TMEM117: variants seen among roughly 807,000 people sequenced by gnomAD.
The protein encoded by TMEM117 is transmembrane protein 117.
Under a neutral mutation model 52.4 loss-of-function variants are expected in TMEM117, and 27 were observed. That is an observed-to-expected ratio of 0.51 (90% CI 0.38 to 0.71). The LOEUF is 0.71. TMEM117 is among the 30% of genes least tolerant of loss of function. The pLI is 0.00. For synonymous variants in TMEM117, 215 were observed against 206.3 expected (o/e 1.04, Z -0.36); for missense variants, 556 against 630.5 (o/e 0.88, Z 1.26).
chr12:44,236,187 T>TAG (rs200861994), intron 5 of TMEM117, among the ~76,000 whole-genome samples: 295 of 141,540 alleles, frequency 2.1e-3, no homozygotes, highest in South Asian at 3.4e-3. Context: ...TATATATATA[T>TAG]AGAGAGAGAG....
chr12:43,972,379 G>A (rs1024009622), intron 3 of TMEM117, among the ~76,000 whole-genome samples: 16 of 152,278 alleles, frequency 1.1e-4, no homozygotes, highest in African/African-American at 1.9e-4. Flanking sequence ...GGACCTTTGC[G>A]GTGAGTGTTA....
intron 7 of TMEM117, among the ~76,000 whole-genome samples, chr12:44,379,503 G>T (rs537184329): frequency 6.6e-6 from 1 of 152,178 alleles, no homozygotes; most frequent in Non-Finnish European, 1.5e-5. Context: ...GCACAGGTTT[G>T]GAGGTTGAAG....
the TMEM117 span, chr12:43,806,158 C>CCTCCCCGCT: frequency 6.5e-7 from 1 of 1,534,324 alleles, no homozygotes; most frequent in Non-Finnish European, 8.7e-7. Flanking sequence ...GTCCTGCAGC[C>CCTCCCCGCT]CTCCCGGCTC....
At chr12:44,040,909 A>C (rs537308350) in intron 3 of TMEM117, among the ~76,000 whole-genome samples, 1 of 152,340 alleles carries the variant, frequency 6.6e-6, no homozygotes. Flanking sequence ...TGTTCAACAT[A>C]CCAAGAATAG....
intron 3 of TMEM117, among the ~76,000 whole-genome samples, chr12:44,093,123 C>T (rs558554705): frequency 4.0e-4 from 61 of 152,090 alleles, no homozygotes; most frequent in African/African-American, 5.5e-4. Flanking sequence ...ACTCCGAATC[C>T]GTAAGAACGC....
chr12:44,381,097 A>G (rs1441715803), intron 7 of TMEM117, among the ~76,000 whole-genome samples: 1 of 152,180 alleles, frequency 6.6e-6, no homozygotes, highest in Admixed American at 6.5e-5. Context: ...CCCTTGACAG[A>G]TGGCTTGCTG....
At chr12:44,237,489 G>A (rs1950011425) in intron 5 of TMEM117, among the ~76,000 whole-genome samples, 3 of 151,992 alleles carry the variant, frequency 2.0e-5, no homozygotes, top group Admixed American at 2.0e-4. Context: ...AGAAGCCGAG[G>A]CAGGCAGATC....
At chr12:43,882,962 G>A (rs1312864026) in intron 2 of TMEM117, among the ~76,000 whole-genome samples, 1 of 152,154 alleles carries the variant, frequency 6.6e-6, no homozygotes, top group Non-Finnish European at 1.5e-5. Flanking sequence ...GTTACACAAG[G>A]CTAAGGTTGA....
chr12:43,969,422 C>G (rs981750967), intron 3 of TMEM117, among the ~76,000 whole-genome samples: 13 of 150,002 alleles, frequency 8.7e-5, no homozygotes, highest in Non-Finnish European at 1.5e-4. Context: ...ACTCAGAAAG[C>G]TAAGGCAGAG....
chr12:44,324,504 G>C (rs1293819655), intron 6 of TMEM117, among the ~76,000 whole-genome samples: 1 of 151,898 alleles, frequency 6.6e-6, no homozygotes, highest in Non-Finnish European at 1.5e-5. Context: ...GTTGAGTTCA[G>C]GGTACTACAT....
At chr12:44,043,399 C>T (rs1218587592) in intron 3 of TMEM117, among the ~76,000 whole-genome samples, 7 of 152,146 alleles carry the variant, frequency 4.6e-5, no homozygotes, top group East Asian at 1.9e-4. Flanking sequence ...TGGAAAAGAA[C>T]GGGACCCTGA....
intron 2 of TMEM117, among the ~76,000 whole-genome samples, chr12:43,916,847 C>G (rs188709476): frequency 1.4e-4 from 22 of 152,120 alleles, no homozygotes; most frequent in African/African-American, 4.6e-4. Context: ...TGAAGTAGAT[C>G]TAGGCTTCTT....
chr12:44,333,362 T>C (rs1218620252), intron 6 of TMEM117, among the ~76,000 whole-genome samples: 1 of 152,042 alleles, frequency 6.6e-6, no homozygotes, highest in Non-Finnish European at 1.5e-5. Context: ...AGATATTAAC[T>C]AATGAATTAT....
chr12:44,068,186 T>C (rs1021143374), intron 3 of TMEM117, among the ~76,000 whole-genome samples: 6 of 152,220 alleles, frequency 3.9e-5, no homozygotes, highest in African/African-American at 1.4e-4. Context: ...GTGTTGTGCC[T>C]GGTTTGATGT....
intron 5 of TMEM117, among the ~76,000 whole-genome samples, chr12:44,292,484 T>G (rs1462185245): frequency 6.6e-6 from 1 of 152,014 alleles, no homozygotes; most frequent in Non-Finnish European, 1.5e-5. Context: ...ACATCCTATC[T>G]TCTACTAACT....
chr12:44,255,515 G>A (rs979407918), intron 5 of TMEM117, among the ~76,000 whole-genome samples: 2 of 152,092 alleles, frequency 1.3e-5, no homozygotes, highest in South Asian at 4.1e-4. Context: ...GTCCAAGTAA[G>A]TTAGATAAAT....
chr12:44,072,903 A>G (rs899448258), intron 3 of TMEM117, among the ~76,000 whole-genome samples: 30 of 152,300 alleles, frequency 2.0e-4, no homozygotes, highest in African/African-American at 6.7e-4. Flanking sequence ...CATCCTGGCC[A>G]ACATGGTGAA....
chr12:44,047,378 G>C (rs565563315), intron 3 of TMEM117, among the ~76,000 whole-genome samples: 1 of 152,208 alleles, frequency 6.6e-6, no homozygotes, highest in East Asian at 1.9e-4. Context: ...GAGAGAATTT[G>C]AGTTTGCTTT....
chr12:43,984,904 T>G (rs1467650125), intron 3 of TMEM117, among the ~76,000 whole-genome samples: 1 of 152,188 alleles, frequency 6.6e-6, no homozygotes, highest in Non-Finnish European at 1.5e-5. Context: ...AGGAGAAAGA[T>G]TCTTTTAAAG....
Sources: gnomAD v4.1 joint callset for allele counts (sites outside exome capture counted in the v4.1 genomes callset) on GRCh38, gnomAD v4.1.1 for gene constraint, MANE v1.5 for transcripts, NCBI Gene and HGNC (gene_info 2026-07-23, HGNC 2026-07-21) for gene names.